The following NECAB1 variants were observed in gnomAD, a reference collection of about 807,000 sequenced individuals.
NECAB1 encodes the protein N-terminal EF-hand calcium-binding protein 1.
A neutral mutation model predicts 57.5 loss-of-function variants in NECAB1; 29 were observed. The observed-to-expected ratio is 0.50, with a 90% CI of 0.38 to 0.69. NECAB1 has a LOEUF of 0.69. Ranked by LOEUF, NECAB1 falls within the 30% of genes least tolerant of loss-of-function variation. The pLI is 0.00. For synonymous variants in NECAB1, 142 were observed against 147.7 expected (o/e 0.96, Z 0.28); for missense variants, 372 against 413.8 (o/e 0.90, Z 0.88).
chr8:90,872,781 G>C (rs1455411208), intron 4 of NECAB1, among the ~76,000 whole-genome samples: 1 of 152,028 alleles, frequency 6.6e-6, no homozygotes, highest in Non-Finnish European at 1.5e-5. Flanking sequence ...ATTTGAAAGA[G>C]CTATCTTTCT....
intron 3 of NECAB1, among the ~76,000 whole-genome samples, chr8:90,856,637 T>A (rs1409375925): frequency 6.6e-6 from 1 of 152,202 alleles, no homozygotes; most frequent in Non-Finnish European, 1.5e-5. Flanking sequence ...TTGGAACGTG[T>A]TTTGGTCTGA....
At chr8:90,807,503 G>A (rs1046936646) in intron 2 of NECAB1, among the ~76,000 whole-genome samples, 4 of 152,022 alleles carry the variant, frequency 2.6e-5, no homozygotes, top group East Asian at 3.9e-4. Flanking sequence ...TCTGTCTTTC[G>A]CACTTGGGAA....
intron 5 of NECAB1, among the ~76,000 whole-genome samples, chr8:90,892,509 GATT>G (rs1197968801): frequency 6.6e-6 from 1 of 152,160 alleles, no homozygotes; most frequent in Non-Finnish European, 1.5e-5. Flanking sequence ...TGACCTATGT[GATT>G]ATTAACCCCC....
chr8:90,795,705 C>CTCTT (rs1450545689), intron 1 of NECAB1, among the ~76,000 whole-genome samples: 1 of 137,182 alleles, frequency 7.3e-6, no homozygotes, highest in African/African-American at 3.3e-5. Context: ...CACCTCATCT[C>CTCTT]TCTCACACAC....
intron 4 of NECAB1, among the ~76,000 whole-genome samples, chr8:90,876,061 C>T (rs1240547406): frequency 6.6e-6 from 1 of 151,984 alleles, no homozygotes; most frequent in African/African-American, 2.4e-5. Context: ...ACTGAGCGTA[C>T]GGGAAACTCC....
rs200075536 is a variant in NECAB1, at chr8:90,808,640, CTTTTTTTTTTTTTT to C, written c.124+6935_124+6948del. Among the ~76,000 whole-genome samples, 270 of 81,296 alleles carry C rather than the reference CTTTTTTTTTTTTTT, an allele frequency of 3.3e-3. 3 individuals carry two copies. The highest frequency in any genetic ancestry group is 0.013 in the African/African-American group (258 of 19,178). 53.3% of individuals were successfully genotyped at this position (81,296 alleles called of 152,430 possible). ...TTCATCCTAATCCTTTTTTTCTTTT[CTTTTTTTTTTTTTT>C]TTTTTTTTTGAGATGGAATCTCACT... On this transcript the variant is annotated intron_variant, in intron 2 of 12. Transcript: ENST00000417640.
chr8:90,924,655 A>G (rs1435546912), intron 6 of NECAB1, among the ~76,000 whole-genome samples: 1 of 152,180 alleles, frequency 6.6e-6, no homozygotes, highest in Non-Finnish European at 1.5e-5. Flanking sequence ...AGTTTGCCTC[A>G]TAGACCAAGA....
intron 5 of NECAB1, among the ~76,000 whole-genome samples, chr8:90,913,394 A>T (rs1809875193): frequency 1.3e-5 from 2 of 152,206 alleles, no homozygotes; most frequent in Non-Finnish European, 2.9e-5. Context: ...GAACATTATT[A>T]GGATCTGAGA....
rs1055978044 is a variant in NECAB1 at position 90,955,431 on chromosome 8, G to A, written c.1031-56G>A. ...TTTAGAAATAATTTGCACCTTGAAT[G>A]TTCTTTGCCCTATAAGTTATTTTCA... On this transcript the variant is annotated intron_variant, in intron 12 of 12. Transcript: ENST00000417640. 10 of 1,334,150 alleles carry A rather than the reference G, an allele frequency of 7.5e-6. No individual in the cohort carries two copies. In the African/African-American group the frequency reaches 1.2e-4, roughly 16 times the overall value. 82.6% of individuals were successfully genotyped at this position (1,334,150 alleles called of 1,614,324 possible).
At chr8:90,805,887 C>T (rs1811838725) in intron 2 of NECAB1, among the ~76,000 whole-genome samples, 1 of 152,096 alleles carries the variant, frequency 6.6e-6, no homozygotes, top group Non-Finnish European at 1.5e-5. Context: ...AGCCCCAGAA[C>T]TTGTTCATCT....
intron 5 of NECAB1, among the ~76,000 whole-genome samples, chr8:90,882,173 T>C (rs758587086): frequency 6.6e-6 from 1 of 152,172 alleles, no homozygotes; most frequent in Non-Finnish European, 1.5e-5. Flanking sequence ...AAAAAGACCA[T>C]ACAAGAATTA....
chr8:90,918,120 G>A (rs1810021774), intron 6 of NECAB1, among the ~76,000 whole-genome samples: 1 of 149,792 alleles, frequency 6.7e-6, no homozygotes, highest in African/African-American at 2.5e-5. Flanking sequence ...AGCAATTCTT[G>A]TGCCTCAGCC....
intron 2 of NECAB1, among the ~76,000 whole-genome samples, chr8:90,811,402 GT>G: frequency 6.6e-6 from 1 of 152,336 alleles, no homozygotes; most frequent in Non-Finnish European, 1.5e-5. Context: ...ATGCATTAGA[GT>G]TCTGAGGAGG....
intron 8 of NECAB1, among the ~76,000 whole-genome samples, chr8:90,929,751 C>G (rs1233651907): frequency 6.6e-6 from 1 of 152,102 alleles, no homozygotes; most frequent in African/African-American, 2.4e-5. Flanking sequence ...AGCTAACAAA[C>G]TAACAAGGAA....
intron 10 of NECAB1, among the ~76,000 whole-genome samples, chr8:90,943,193 G>A (rs906354800): frequency 6.6e-6 from 1 of 152,136 alleles, no homozygotes; most frequent in Non-Finnish European, 1.5e-5. Flanking sequence ...GCCGCCTGCT[G>A]CAAATTCCAT....
chr8:90,959,221 AT>A lies in NECAB1; in HGVS notation c.*3713del. Reference sequence around the variant, plus strand: ...CATGTTTTTAAAATATATGTAACTCATTTTAAAATATATTAAATTGTATTCC... The same window carrying A: ...CATGTTTTTAAAATATATGTAACTCATTTAAAATATATTAAATTGTATTCC... On this transcript the variant is annotated 3_prime_UTR_variant, in exon 13 of 13. Transcript: ENST00000417640. 1 of 345,994 alleles carries A rather than the reference AT, an allele frequency of 2.9e-6. No homozygotes were observed. Among genetic ancestry groups the A allele is most frequent in the Non-Finnish European group, 5.2e-6 (1 of 192,914 alleles). The allele number at this position is 345,994 out of a possible 1,614,324, so 21.4% of individuals were successfully genotyped here.
At chr8:90,900,658 A>T (rs957412245) in intron 5 of NECAB1, among the ~76,000 whole-genome samples, 4 of 152,210 alleles carry the variant, frequency 2.6e-5, no homozygotes, top group Non-Finnish European at 5.9e-5. Context: ...CATAATTAAG[A>T]CTATCACTAT....
intron 5 of NECAB1, among the ~76,000 whole-genome samples, chr8:90,886,262 C>T (rs889851223): frequency 3.3e-5 from 5 of 150,650 alleles, no homozygotes; most frequent in Non-Finnish European, 5.9e-5. Flanking sequence ...ATAAAGGATC[C>T]GAAAGCATTC....
At chr8:90,841,059 C>A (rs899590182) in intron 3 of NECAB1, among the ~76,000 whole-genome samples, 1 of 151,382 alleles carries the variant, frequency 6.6e-6, no homozygotes, top group Non-Finnish European at 1.5e-5. Flanking sequence ...AGATCGAAAG[C>A]ATCCTGGCTA....
Sources: gnomAD v4.1 joint callset for allele counts (sites outside exome capture counted in the v4.1 genomes callset) on GRCh38, gnomAD v4.1.1 for gene constraint, MANE v1.5 for transcripts, NCBI Gene and HGNC (gene_info 2026-07-23, HGNC 2026-07-21) for gene names.